C4orf36: variants seen among roughly 807,000 people sequenced by gnomAD.
C4orf36 encodes uncharacterized protein C4orf36.
Under a neutral mutation model 12.2 loss-of-function variants are expected in C4orf36, and 11 were observed. The ratio of observed to expected loss-of-function variants is 0.90; its 90% CI spans 0.57 to 1.49. C4orf36 has a LOEUF of 1.49. C4orf36 is among the 40% of genes most tolerant of loss of function. The pLI is 0.00. For missense variants in C4orf36, 137 were observed against 133.9 expected (o/e 1.02, Z -0.11); for synonymous variants, 54 against 51.3 (o/e 1.05, Z -0.22).
At chr4:86,901,942 C>T in the C4orf36 span, among the ~76,000 whole-genome samples, 3 of 152,124 alleles carry the variant, frequency 2.0e-5, no homozygotes, top group Admixed American at 1.3e-4. Flanking sequence ...TCTAATCAGG[C>T]CAACTTTGCA....
chr4:86,877,234 T>C (rs764609844), intron 4 of C4orf36, among the ~76,000 whole-genome samples: 2 of 152,250 alleles, frequency 1.3e-5, no homozygotes, highest in South Asian at 2.1e-4. Flanking sequence ...CAACTATCTT[T>C]GGTTGTGTAA....
the C4orf36 span, among the ~76,000 whole-genome samples, chr4:86,918,585 T>C: frequency 6.6e-6 from 1 of 152,310 alleles, no homozygotes; most frequent in East Asian, 1.9e-4. Flanking sequence ...CACCTGACCA[T>C]CTTGGGCTGC....
At chr4:86,911,996 G>C in the C4orf36 span, among the ~76,000 whole-genome samples, 3 of 152,162 alleles carry the variant, frequency 2.0e-5, no homozygotes, top group African/African-American at 7.2e-5. Context: ...AAGTAGCTGG[G>C]ATTACAGGCA....
the C4orf36 span, among the ~76,000 whole-genome samples, chr4:86,903,618 T>C: frequency 6.6e-6 from 1 of 152,190 alleles, no homozygotes; most frequent in African/African-American, 2.4e-5. Flanking sequence ...CAACATTTAT[T>C]CCAAAGATCA....
chr4:86,885,504 G>A (rs181089890), intron 4 of C4orf36, among the ~76,000 whole-genome samples: 9 of 152,256 alleles, frequency 5.9e-5, no homozygotes, highest in Admixed American at 5.2e-4. Context: ...CTGTTTGTCT[G>A]TTATTGGTGT....
intron 4 of C4orf36, among the ~76,000 whole-genome samples, chr4:86,879,129 A>G (rs1746988479): frequency 1.3e-5 from 2 of 152,168 alleles, no homozygotes; most frequent in Admixed American, 1.3e-4. Flanking sequence ...AAAGCTCAAC[A>G]AAAGGGCACA....
chr4:86,922,053 G>T, the C4orf36 span, among the ~76,000 whole-genome samples: 1 of 152,090 alleles, frequency 6.6e-6, no homozygotes, highest in Admixed American at 6.6e-5. Context: ...ATTAATTAAT[G>T]AGGGAACCAG....
the C4orf36 span, among the ~76,000 whole-genome samples, chr4:86,929,666 C>G: frequency 6.6e-6 from 1 of 152,336 alleles, no homozygotes; most frequent in East Asian, 1.9e-4. Flanking sequence ...TAGATACGAA[C>G]TCTCTGAGAA....
At chr4:86,877,851 T>C (rs1290017796) in intron 4 of C4orf36, among the ~76,000 whole-genome samples, 1 of 152,210 alleles carries the variant, frequency 6.6e-6, no homozygotes, top group Non-Finnish European at 1.5e-5. Context: ...AATCTACATT[T>C]ATAAAATCTG....
intron 4 of C4orf36, among the ~76,000 whole-genome samples, chr4:86,879,343 C>G (rs1201512617): frequency 6.6e-6 from 1 of 152,040 alleles, no homozygotes; most frequent in African/African-American, 2.4e-5. Context: ...AGAATATCAA[C>G]AAAGTCATAG....
At chr4:86,921,009 T>C in the C4orf36 span, among the ~76,000 whole-genome samples, 1 of 151,516 alleles carries the variant, frequency 6.6e-6, no homozygotes, top group Non-Finnish European at 1.5e-5. Flanking sequence ...CTACTAAAAA[T>C]ACAAAATTAA....
At chr4:86,902,687 C>T in the C4orf36 span, among the ~76,000 whole-genome samples, 296 of 152,244 alleles carry the variant, frequency 1.9e-3, no homozygotes, top group African/African-American at 6.7e-3. Flanking sequence ...TGCCCACCTC[C>T]GTCAAGGCTT....
the C4orf36 span, among the ~76,000 whole-genome samples, chr4:86,926,796 G>A: frequency 5.3e-5 from 8 of 152,164 alleles, no homozygotes. Context: ...GTTGTCACAT[G>A]TGCCTGCCGT....
chr4:86,914,190 A>G, the C4orf36 span: 31 of 1,592,248 alleles, frequency 1.9e-5, 1 homozygote, highest in South Asian at 3.4e-4. Flanking sequence ...CTACTTCACA[A>G]AAGTAGCTGC....
chr4:86,934,111 C>T, the C4orf36 span, among the ~76,000 whole-genome samples: 1 of 152,138 alleles, frequency 6.6e-6, no homozygotes, highest in Non-Finnish European at 1.5e-5. Flanking sequence ...TTACATTACA[C>T]ATCATATTAA....
At chr4:86,878,763 G>T (rs1746979827) in intron 4 of C4orf36, among the ~76,000 whole-genome samples, 1 of 152,194 alleles carries the variant, frequency 6.6e-6, no homozygotes, top group African/African-American at 2.4e-5. Context: ...GACCAGAACA[G>T]CAGTTTGGAT....
At chr4:86,884,844 T>C (rs965524259) in intron 4 of C4orf36, among the ~76,000 whole-genome samples, 6 of 152,232 alleles carry the variant, frequency 3.9e-5, no homozygotes, top group African/African-American at 1.2e-4. Flanking sequence ...AGGTCTAACA[T>C]TTAAGTCTGT....
At chr4:86,913,872 A>G in the C4orf36 span, 62 of 854,986 alleles carry the variant, frequency 7.3e-5, no homozygotes, top group South Asian at 8.5e-4. Context: ...TCTGTCACCC[A>G]GGCTGGAGTG....
At chr4:86,902,121 AAAAGAAAT>A in the C4orf36 span, among the ~76,000 whole-genome samples, 1 of 152,184 alleles carries the variant, frequency 6.6e-6, no homozygotes, top group Non-Finnish European at 1.5e-5. Context: ...ATCAGAAGGT[AAAAGAAAT>A]AAGGAATTAC....
Sources: gnomAD v4.1 joint callset for allele counts (sites outside exome capture counted in the v4.1 genomes callset) on GRCh38, gnomAD v4.1.1 for gene constraint, MANE v1.5 for transcripts, NCBI Gene and HGNC (gene_info 2026-07-23, HGNC 2026-07-21) for gene names.